The following XPOT variants were observed in gnomAD, a reference collection of about 807,000 sequenced individuals.
XPOT encodes the protein exportin for tRNA, also known as exportin-T.
A neutral mutation model predicts 128.2 loss-of-function variants in XPOT; 34 were observed. The ratio of observed to expected loss-of-function variants is 0.27; its 90% CI spans 0.20 to 0.35. The LOEUF is 0.35. Among genes scored for constraint, XPOT ranks in the 10% least tolerant of loss-of-function variants. XPOT has a pLI of 1.00. For synonymous variants in XPOT, 348 were observed against 394.3 expected, an observed-to-expected ratio of 0.88 and a Z score of 1.39; for missense variants, 838 against 1,125.3, an observed-to-expected ratio of 0.74 and a Z score of 3.65.
chr12:64,427,140 A>G (rs2040199429), intron 15 of XPOT, among the ~76,000 whole-genome samples: 1 of 122,442 alleles, frequency 8.2e-6, no homozygotes, highest in Admixed American at 9.1e-5. Context: ...TTTTTTTGAG[A>G]CAGATTTTCG....
rs2040406661 is a variant in XPOT at position 64,450,856 on chromosome 12, C to T, written c.*2725C>T. 6.6e-6 allele frequency: 1 copy of T among 152,206 alleles called. No homozygotes were observed. The highest frequency in any genetic ancestry group is 2.4e-5 in the African/African-American group (1 of 41,454). The allele number at this position is 152,206 out of a possible 1,614,324, so 9.4% of individuals were successfully genotyped here. On this transcript the variant is annotated 3_prime_UTR_variant, in exon 25 of 25. Coordinates refer to ENST00000332707, the MANE Select transcript of XPOT (RefSeq NM_007235.6). ...CTTAATGCTAATGTTAATTGCTTCC[C>T]AGTTGGTTGACCTTATAAGAAAACA...
chr12:64,414,807 A>G, intron 2 of XPOT, 100 bp from the exon 3 acceptor site: 1 of 685,616 alleles, frequency 1.5e-6, no homozygotes, highest in Non-Finnish European at 2.6e-6. Context: ...AAGTTTACTG[A>G]TTTGTTATAG....
intron 24 of XPOT, 24 bp downstream of exon 24, chr12:64,445,155 A>G: frequency 6.4e-7 from 1 of 1,555,832 alleles, no homozygotes; most frequent in Non-Finnish European, 8.8e-7. Flanking sequence ...AAGCTCACGT[A>G]TCTTCATACA....
intron 18 of XPOT, among the ~76,000 whole-genome samples, chr12:64,432,276 C>T (rs1314166481): frequency 6.6e-6 from 1 of 151,746 alleles, no homozygotes; most frequent in African/African-American, 2.4e-5. Context: ...GAGATAGTCT[C>T]ACTCTGTCAC....
chr12:64,427,048 A>G (rs974156558), intron 15 of XPOT, among the ~76,000 whole-genome samples: 4 of 150,976 alleles, frequency 2.6e-5, no homozygotes, highest in African/African-American at 7.3e-5. Flanking sequence ...CCAAGAGCCT[A>G]TGGTAGATTT....
chr12:64,410,925 G>T (rs149197577), intron 2 of XPOT, among the ~76,000 whole-genome samples: 1 of 152,172 alleles, frequency 6.6e-6, no homozygotes, highest in African/African-American at 2.4e-5. Context: ...TCATAGCAAA[G>T]AATACTTTTT....
chr12:64,423,236 G>T lies in XPOT; in HGVS notation c.1174G>T (p.Glu392Ter). The change falls in exon 11 of 25, where the codon GAA becomes TAA. Residue 392 changes from glutamate to a stop codon, truncating the protein, a stop_gained. Transcript: ENST00000332707. LOFTEE classifies it high-confidence loss of function. ...KLTYDEEYNFENEGEDEAMFV... is the reference protein window; with the variant it reads ...KLTYDEEYNF ...GACTTACGATGAAGAATATAACTTT[G>T]AAAATGAGGTAAGAATTTTTTTTTG... is the stretch of plus-strand genomic sequence containing the variant. 1 of 1,574,218 alleles carries T rather than the reference G, an allele frequency of 6.4e-7. No individual in the cohort carries two copies. The highest frequency in any genetic ancestry group is 1.2e-5 in the South Asian group (1 of 82,652).
Position 64,425,438 on chromosome 12 carries a change from A to G in XPOT, c.1553A>G (p.Gln518Arg). 6.2e-7 allele frequency: 1 copy of G among 1,614,040 alleles called. No individual in the cohort carries two copies. The highest frequency in any genetic ancestry group is 1.7e-4 in the Middle Eastern group (1 of 6,028). Residue 518 changes from glutamine (Q) to arginine (R), a missense_variant, in exon 14 of 25, where the codon CAG (glutamine) becomes CGG (arginine). Around this residue, in one of 3 missense-constraint regions of XPOT, gnomAD observed 761 missense variants for 988.3 expected, o/e 0.77. Transcript: ENST00000332707. ...RYEKFFTVEP[Q>R]HIPCVLMAFL... Reference sequence around the variant, plus strand: ...GAAAAGTTTTTCACAGTTGAACCTCAGCACATTCCATGTGTACTAGTAAGT... The same window carrying G: ...GAAAAGTTTTTCACAGTTGAACCTCGGCACATTCCATGTGTACTAGTAAGT...
rs749200845 is a variant in XPOT, at chr12:64,434,514, G to A, written c.2460G>A (p.Glu820=). 2 of 1,612,470 alleles carry A rather than the reference G, an allele frequency of 1.2e-6. No homozygotes were observed. The highest frequency in any genetic ancestry group is 2.2e-5 in the South Asian group (2 of 90,926). The change falls in exon 20 of 25, where the codon GAG becomes GAA. Residue 820 remains glutamate (E), a synonymous_variant. Transcript: ENST00000332707. ...MSEVIANQGA[E]NVERVLVTVI... is the part of the protein sequence containing the mutation. ...AAAGGTTTTTCTCCTCAGGTGCAGA[G>A]AATGTAGAAAGAGTGTTGGTTACTG...
chr12:64,407,350 G>T (rs753890240), intron 1 of XPOT, among the ~76,000 whole-genome samples: 5 of 152,000 alleles, frequency 3.3e-5, no homozygotes, highest in Non-Finnish European at 7.4e-5. Context: ...GCCGGGTGTG[G>T]TGGCTCACCC....
intron 23 of XPOT, among the ~76,000 whole-genome samples, chr12:64,442,306 T>G (rs1249421122): frequency 6.6e-6 from 1 of 152,136 alleles, no homozygotes; most frequent in African/African-American, 2.4e-5. Flanking sequence ...GCCTAATTTT[T>G]GTATTTTTAG....
intron 17 of XPOT, among the ~76,000 whole-genome samples, chr12:64,430,932 C>CT (rs957827588): frequency 1.7e-4 from 26 of 151,854 alleles, no homozygotes; most frequent in African/African-American, 4.6e-4. Flanking sequence ...GGATTTTTCT[C>CT]TTTTTTTTCT....
chr12:64,423,058 GCTT>G lies in XPOT; in HGVS notation c.1119+19_1119+21del, dbSNP rs745448038. ...CTAATGTAGAGGTAATTGACTTTATGCTTCTTTTAAACCAATGATAGATTTTTA... is the reference window on the plus strand; with the variant it reads ...CTAATGTAGAGGTAATTGACTTTATGCTTTTAAACCAATGATAGATTTTTA... On this transcript the variant is annotated intron_variant, in intron 10 of 24. Coordinates refer to ENST00000332707, the MANE Select transcript of XPOT (RefSeq NM_007235.6). The G allele has an allele frequency of 6.2e-7, 1 of 1,612,734 alleles. No individual in the cohort carries two copies. Among genetic ancestry groups the G allele is most frequent in the South Asian group, 1.1e-5 (1 of 90,580 alleles).
intron 22 of XPOT, among the ~76,000 whole-genome samples, chr12:64,437,322 T>C (rs2040291118): frequency 6.6e-6 from 1 of 152,298 alleles, no homozygotes; most frequent in African/African-American, 2.4e-5. Flanking sequence ...TGGAGATACA[T>C]AAAATATTGT....
At chr12:64,418,647 T>C (rs1336477868) in intron 5 of XPOT, among the ~76,000 whole-genome samples, 1 of 152,238 alleles carries the variant, frequency 6.6e-6, no homozygotes, top group African/African-American at 2.4e-5. Context: ...GAATAATCAT[T>C]ACAGCCTTTA....
chr12:64,408,738 A>G (rs558727327), intron 1 of XPOT, among the ~76,000 whole-genome samples: 6 of 152,132 alleles, frequency 3.9e-5, no homozygotes, highest in Middle Eastern at 3.4e-3. Context: ...CAGTGGCGCA[A>G]TCTTGGCTCA....
intron 1 of XPOT, chr12:64,409,675 C>T (rs549123088): frequency 1.4e-4 from 25 of 180,738 alleles, no homozygotes; most frequent in African/African-American, 5.5e-4. Context: ...ACGGAGCTTG[C>T]AGTGAGCTGA....
At position 64,421,478 on chromosome 12, in the gene XPOT, TTTTG is replaced by T. The variant is rs781656557; in HGVS notation, c.1080+11_1080+14del. On this transcript the variant is annotated splice_region_variant and intron_variant, in intron 9 of 24. Transcript: ENST00000332707. ...TCTTCATATTTTGAAACAGGTAAGT[TTTTG>T]TTTTATTCTTTTTGCTCAATACATA... The T allele has an allele frequency of 5.0e-6, 8 of 1,588,778 alleles. No individual in the cohort carries two copies. Among genetic ancestry groups the T allele is most frequent in the Non-Finnish European group, 6.0e-6 (7 of 1,157,456 alleles).
At chr12:64,447,376 C>A (rs2040374522) in intron 24 of XPOT, among the ~76,000 whole-genome samples, 2 of 152,218 alleles carry the variant, frequency 1.3e-5, no homozygotes, top group Non-Finnish European at 2.9e-5. Flanking sequence ...TTTGTAGTCT[C>A]AAATTTTGAC....
Sources: gnomAD v4.1 joint callset for allele counts (sites outside exome capture counted in the v4.1 genomes callset) on GRCh38, gnomAD v4.1.1 for gene constraint, gnomAD v4.1.1 regional missense constraint, MANE v1.5 for transcripts, NCBI Gene and HGNC (gene_info 2026-07-23, HGNC 2026-07-21) for gene names.